Variants in PIEZO2 observed in about 807,000 individuals in gnomAD.
PIEZO2 encodes piezo type mechanosensitive ion channel component 2.
Under a neutral mutation model 337.3 loss-of-function variants are expected in PIEZO2, and 172 were observed. The observed-to-expected ratio is 0.51, with a 90% confidence interval of 0.45 to 0.58. PIEZO2 has a LOEUF of 0.58. PIEZO2 is among the 20% of genes least tolerant of loss of function. The pLI is 0.00. For synonymous variants in PIEZO2, 1,251 were observed against 1,228.5 expected (o/e 1.02, Z -0.38); for missense variants, 3,028 against 3,391.3 (o/e 0.89, Z 2.66).
At chr18:10,788,348 G>A (rs146424871) in intron 15 of PIEZO2, among the ~76,000 whole-genome samples, 7 of 150,044 alleles carry the variant, frequency 4.7e-5, no homozygotes, top group African/African-American at 1.7e-4. Context: ...ATTGCAGTGA[G>A]CAATGAGCAG....
In PIEZO2 at chr18:10,773,147, C is replaced by T. The variant is rs947342402; in HGVS notation, c.2785+265G>A. On this transcript the variant is annotated intron_variant, in intron 20 of 55. Transcript: ENST00000674853. This position sits in a 1 kb window ranked among gnomAD's most constrained non-coding sequence, Gnocchi z 5.3. ...GACTGAGGACGTGGTCAACACCATG[C>T]CCCACCAGTGTCTAGACAGGAGCAC... Among the ~76,000 whole-genome samples, 1 of 152,162 alleles carries T rather than the reference C, an allele frequency of 6.6e-6. No individual in the cohort carries two copies. The highest frequency in any genetic ancestry group is 2.4e-5 in the African/African-American group (1 of 41,438).
chr18:10,957,300 G>A (rs934494888), intron 3 of PIEZO2, among the ~76,000 whole-genome samples: 1 of 152,012 alleles, frequency 6.6e-6, no homozygotes, highest in Non-Finnish European at 1.5e-5. Flanking sequence ...GGGGGGCTGA[G>A]GTAAGAGAGT....
chr18:10,696,683 TC>T, intron 45 of PIEZO2, 144 bp from the exon 46 acceptor site: 1 of 934,572 alleles, frequency 1.1e-6, no homozygotes, highest in African/African-American at 1.7e-5. Context: ...CTCAGGATAG[TC>T]CCGCTGTGGA....
At position 10,697,699 on chromosome 18, in the gene PIEZO2, C is replaced by T. The variant is rs745923108; in HGVS notation, c.6827+49G>A. 9 of 1,593,844 alleles carry T rather than the reference C, an allele frequency of 5.6e-6. No homozygotes were observed. In the Admixed American group the frequency reaches 1.4e-4, roughly 25 times the overall value. On this transcript the variant is annotated intron_variant, in intron 45 of 55. Coordinates refer to ENST00000674853, the MANE Select transcript of PIEZO2 (RefSeq NM_001378183.1). The stretch of plus-strand genomic sequence containing the variant: ...CCTGGTTTATAGGAAATAATAAAGC[C>T]CAAAACCCTACAATAAAGCACACAT...
chr18:10,807,267 C>G lies in PIEZO2; in HGVS notation c.925G>C (p.Gly309Arg). ...PPNDYYARLF[G>R]IKSVIQTDCS... ...TCCGTTTGAATTACTGACTTGATAC[C>G]AAACAACCTGTTAAAAAACAAAGAA... The change falls in exon 8 of 56, where the codon GGT (glycine) becomes CGT (arginine). Residue 309 changes from glycine (G) to arginine (R), a missense_variant. This residue lies in a region of PIEZO2 where 542 missense variants were observed against 605.6 expected (regional missense o/e 0.89). Coordinates refer to ENST00000674853, the MANE Select transcript of PIEZO2 (RefSeq NM_001378183.1). 2.0e-6 allele frequency: 3 copies of G among 1,534,040 alleles called. No individual in the cohort carries two copies. The highest frequency in any genetic ancestry group is 2.6e-6 in the Non-Finnish European group (3 of 1,144,784).
chr18:11,146,117 A>G lies in PIEZO2; in HGVS notation c.64+2408T>C, dbSNP rs1226107432. Among the ~76,000 whole-genome samples the G allele has an allele frequency of 6.6e-6, 1 of 152,202 alleles. No homozygotes were observed. Among genetic ancestry groups the G allele is most frequent in the African/African-American group, 2.4e-5 (1 of 41,460 alleles). ...ATGCACACACTCGCACACCCAGGTT[A>G]GTCTCCCTGAACCCAGAGAGGTGTG... is the stretch of plus-strand genomic sequence containing the variant. On this transcript the variant is annotated intron_variant, in intron 1 of 55. Transcript: ENST00000674853. The surrounding 1 kb of genome is among the most constrained non-coding windows in gnomAD (Gnocchi z 6.1).
chr18:10,874,316 A>T (rs2042214800), intron 4 of PIEZO2, among the ~76,000 whole-genome samples: 1 of 152,102 alleles, frequency 6.6e-6, no homozygotes. Flanking sequence ...ACAAAAAAAA[A>T]TGCTGACAAG....
chr18:10,791,372 T>G, intron 13 of PIEZO2, 48 bp from the exon 14 acceptor site: 1 of 1,438,510 alleles, frequency 7.0e-7, no homozygotes, highest in Non-Finnish European at 9.1e-7. Context: ...CCATTTGGAA[T>G]GTAAAAACAT....
At chr18:11,081,428 A>G (rs1420609562) in intron 1 of PIEZO2, among the ~76,000 whole-genome samples, 1 of 152,240 alleles carries the variant, frequency 6.6e-6, no homozygotes, top group Non-Finnish European at 1.5e-5. Context: ...GAGCAAGTCC[A>G]TTGATATCCT....
chr18:10,883,967 T>C (rs927430935), intron 4 of PIEZO2, among the ~76,000 whole-genome samples: 3 of 151,988 alleles, frequency 2.0e-5, no homozygotes, highest in Non-Finnish European at 2.9e-5. Flanking sequence ...CCCGCCACCA[T>C]GCCTGGCTAA....
chr18:11,106,866 A>C (rs374422595), intron 1 of PIEZO2, among the ~76,000 whole-genome samples: 2 of 152,312 alleles, frequency 1.3e-5, no homozygotes, highest in South Asian at 4.1e-4. Context: ...ACAAACACTT[A>C]AGTCACTGCT....
chr18:11,092,723 C>G lies in PIEZO2; in HGVS notation c.65-26501G>C, dbSNP rs1193812857. Among the ~76,000 whole-genome samples, 1 of 152,138 alleles carries G rather than the reference C, an allele frequency of 6.6e-6. No individual in the cohort carries two copies. Among genetic ancestry groups the G allele is most frequent in the Non-Finnish European group, 1.5e-5 (1 of 68,038 alleles). On this transcript the variant is annotated intron_variant, in intron 1 of 55. Transcript: ENST00000674853. This position sits in a 1 kb window ranked among gnomAD's most constrained non-coding sequence, Gnocchi z 4.5. ...TTTGTCAAACCAAGAAAGAGGGTCACAAATGAGTTGCAGCCTTGCCTTTTA... is the reference window on the plus strand; with the variant it reads ...TTTGTCAAACCAAGAAAGAGGGTCAGAAATGAGTTGCAGCCTTGCCTTTTA...
intron 4 of PIEZO2, among the ~76,000 whole-genome samples, chr18:10,897,003 T>A (rs551813366): frequency 1.3e-5 from 2 of 152,138 alleles, no homozygotes; most frequent in African/African-American, 2.4e-5. Context: ...AATAGAACGA[T>A]GCAATGTCTA....
In PIEZO2 at chr18:11,033,989, C is replaced by T. The variant is rs2036830530; in HGVS notation, c.160+32138G>A. On this transcript the variant is annotated intron_variant, in intron 2 of 55. Coordinates refer to ENST00000674853, the MANE Select transcript of PIEZO2 (RefSeq NM_001378183.1). The surrounding 1 kb of genome is among the most constrained non-coding windows in gnomAD (Gnocchi z 4.2). ...TTTGAAACTGAAGGGGAAAAAAACC[C>T]TCAGATTTAAAAAAAAATTCGACAG... 6.6e-6 allele frequency among the ~76,000 whole-genome samples: 1 copy of T among 151,930 alleles called. No homozygotes were observed. The highest frequency in any genetic ancestry group is 2.4e-5 in the African/African-American group (1 of 41,330).
intron 3 of PIEZO2, among the ~76,000 whole-genome samples, chr18:10,939,305 T>C (rs2032586096): frequency 6.6e-6 from 1 of 152,192 alleles, no homozygotes; most frequent in Admixed American, 6.5e-5. Flanking sequence ...AAAAAATGTA[T>C]ATTTGTGAGA....
Position 10,862,604 on chromosome 18 carries a change from G to A in PIEZO2, c.493-5393C>T, listed in dbSNP as rs1209939481. On this transcript the variant is annotated intron_variant, in intron 5 of 55. Coordinates refer to ENST00000674853, the MANE Select transcript of PIEZO2 (RefSeq NM_001378183.1). The surrounding 1 kb of genome is among the most constrained non-coding windows in gnomAD (Gnocchi z 4.4). ...AACATCCATGTTTCATTACTCCCAA[G>A]CACTCTAAAAATCCAACTGGGTTGG... Among the ~76,000 whole-genome samples the A allele has an allele frequency of 6.6e-6, 1 of 152,190 alleles. No homozygotes were observed. Among genetic ancestry groups the A allele is most frequent in the Admixed American group, 6.5e-5 (1 of 15,284 alleles).
At chr18:11,090,018 C>A (rs959870053) in intron 1 of PIEZO2, among the ~76,000 whole-genome samples, 1 of 152,160 alleles carries the variant, frequency 6.6e-6, no homozygotes. Context: ...ACAGTATTGA[C>A]CAGCCAGCAG....
intron 5 of PIEZO2, among the ~76,000 whole-genome samples, chr18:10,866,018 ATAGT>A (rs1233950371): frequency 5.3e-5 from 8 of 152,210 alleles, no homozygotes; most frequent in South Asian, 2.1e-4. Flanking sequence ...ATCTAAAAAG[ATAGT>A]TAAAGGTGAA....
intron 53 of PIEZO2, among the ~76,000 whole-genome samples, chr18:10,675,720 A>G (rs1446324285): frequency 2.0e-5 from 3 of 152,174 alleles, no homozygotes; most frequent in Non-Finnish European, 4.4e-5. Context: ...CCCAAATCTC[A>G]TCTTGAATTG....
Sources: allele counts gnomAD v4.1 joint callset (sites outside exome capture counted in the v4.1 genomes callset), GRCh38; gene constraint gnomAD v4.1.1; regional missense constraint gnomAD v4.1.1; non-coding constraint Gnocchi (gnomAD v3.1); transcripts MANE v1.5; gene names NCBI Gene and HGNC (gene_info 2026-07-23, HGNC 2026-07-21).